The following PHF20L1 variants were observed in gnomAD, a reference collection of about 807,000 sequenced individuals.
PHF20L1 encodes the protein PHD finger protein 20 like 1.
PHF20L1 carries 44 observed loss-of-function variants against 125.5 expected under a neutral mutation model. That is an observed-to-expected ratio of 0.35 (90% CI 0.28 to 0.45). The LOEUF is 0.45. Among genes scored for constraint, PHF20L1 ranks in the 20% least tolerant of loss-of-function variants. PHF20L1 has a pLI of 1.00. For missense variants in PHF20L1, 1,012 were observed against 1,217.2 expected (o/e 0.83, Z 2.51); for synonymous variants, 380 against 403.1 (o/e 0.94, Z 0.69).
rs1834764260 is a variant in PHF20L1, at chr8:132,814,634, C to T, written c.931-3C>T. 6.4e-7 allele frequency: 1 copy of T among 1,553,464 alleles called. No homozygotes were observed. The highest frequency in any genetic ancestry group is 2.3e-5 in the East Asian group (1 of 44,036). ...AAATATCAATTTTTTATTATTTATTCAGGCGATTTCACCTAAACCTCAAAG... is the reference window on the plus strand; with the variant it reads ...AAATATCAATTTTTTATTATTTATTTAGGCGATTTCACCTAAACCTCAAAG... On this transcript the variant is annotated splice_polypyrimidine_tract_variant and splice_region_variant and intron_variant, in intron 9 of 20. Coordinates refer to ENST00000395386, the MANE Select transcript of PHF20L1 (RefSeq NM_016018.5).
At chr8:132,839,644 C>A in intron 18 of PHF20L1, 62 bp downstream of exon 18, 1 of 1,181,908 alleles carries the variant, frequency 8.5e-7, no homozygotes. Context: ...CAAACCAACA[C>A]TGTTGGCCTT....
At chr8:132,808,980 C>G (rs545649775) in intron 8 of PHF20L1, 29 of 151,682 alleles carry the variant, frequency 1.9e-4, no homozygotes, top group Admixed American at 8.5e-4. Flanking sequence ...CAAAGTGTTA[C>G]AAGCATGAGC....
chr8:132,839,830 C>T (rs1038426349), intron 18 of PHF20L1, among the ~76,000 whole-genome samples: 1 of 152,092 alleles, frequency 6.6e-6, no homozygotes, highest in Non-Finnish European at 1.5e-5. Flanking sequence ...CACATTTTAG[C>T]TCCTGTCCCA....
chr8:132,832,980 A>T (rs990732104), intron 15 of PHF20L1, among the ~76,000 whole-genome samples: 1 of 152,236 alleles, frequency 6.6e-6, no homozygotes, highest in East Asian at 1.9e-4. Flanking sequence ...ACTGGAGTTC[A>T]AATCTGTTAG....
intron 2 of PHF20L1, among the ~76,000 whole-genome samples, chr8:132,792,529 T>G (rs1831852274): frequency 6.6e-6 from 1 of 152,186 alleles, no homozygotes; most frequent in Non-Finnish European, 1.5e-5. Flanking sequence ...AAGGCTATAA[T>G]TGGGTCAACT....
At chr8:132,806,598 A>G (rs1346043982) in intron 8 of PHF20L1, 4 of 152,054 alleles carry the variant, frequency 2.6e-5, no homozygotes, top group South Asian at 4.1e-4. Flanking sequence ...TTCTGATTTC[A>G]TGTTGCAACT....
intron 11 of PHF20L1, 44 bp downstream of exon 11, chr8:132,817,120 TAAA>T: frequency 8.0e-7 from 1 of 1,249,752 alleles, no homozygotes; most frequent in Non-Finnish European, 1.1e-6. Context: ...TAAAAGAAGA[TAAA>T]GAAAAAACTA....
intron 14 of PHF20L1, chr8:132,826,699 A>G (rs997330952): frequency 6.6e-6 from 1 of 152,090 alleles, no homozygotes; most frequent in Non-Finnish European, 1.5e-5. Context: ...AATTCAAGAC[A>G]GTGGTTGCCT....
chr8:132,797,861 A>G (rs1434127575), intron 4 of PHF20L1, among the ~76,000 whole-genome samples: 1 of 152,030 alleles, frequency 6.6e-6, no homozygotes, highest in Non-Finnish European at 1.5e-5. Context: ...TTTTATAAAG[A>G]CCAAGTATCT....
chr8:132,822,004 T>C (rs759611417), intron 12 of PHF20L1, among the ~76,000 whole-genome samples: 24 of 151,986 alleles, frequency 1.6e-4, no homozygotes, highest in Admixed American at 1.2e-3. Flanking sequence ...TCTGGAATGG[T>C]CTCTTTTGTT....
chr8:132,781,672 G>C (rs2739044), intron 2 of PHF20L1, among the ~76,000 whole-genome samples: 152,352 of 152,352 alleles, frequency 1, 76,176 homozygotes, highest in Non-Finnish European at 1. Flanking sequence ...ACCTTGTGAT[G>C]TGCCTGCCTC....
At chr8:132,830,392 A>G (rs1225519771) in intron 14 of PHF20L1, among the ~76,000 whole-genome samples, 2 of 152,064 alleles carry the variant, frequency 1.3e-5, no homozygotes, top group African/African-American at 4.8e-5. Flanking sequence ...AGCTTAGCTT[A>G]TTTAAAAGTT....
intron 12 of PHF20L1, among the ~76,000 whole-genome samples, chr8:132,823,738 C>G (rs989090628): frequency 6.6e-6 from 1 of 151,914 alleles, no homozygotes; most frequent in African/African-American, 2.4e-5. Flanking sequence ...ATGATGTCCT[C>G]AAGGCCACAG....
intron 8 of PHF20L1, chr8:132,810,533 G>T (rs530758178): frequency 3.7e-4 from 56 of 152,592 alleles, no homozygotes; most frequent in Non-Finnish European, 7.2e-4. Context: ...TTATAAGAAG[G>T]TAAGGTACAA....
intron 2 of PHF20L1, among the ~76,000 whole-genome samples, chr8:132,784,603 A>G (rs980953407): frequency 2.0e-5 from 3 of 152,184 alleles, no homozygotes; most frequent in African/African-American, 7.2e-5. Flanking sequence ...ACTGCTGGCT[A>G]CTAGAGGAGA....
chr8:132,783,824 A>G (rs1295753196), intron 2 of PHF20L1, among the ~76,000 whole-genome samples: 2 of 152,200 alleles, frequency 1.3e-5, no homozygotes, highest in East Asian at 1.9e-4. Context: ...TGAATTACAT[A>G]CTATGGTCAT....
intron 14 of PHF20L1, among the ~76,000 whole-genome samples, chr8:132,831,999 G>C (rs529843531): frequency 1.3e-5 from 2 of 152,118 alleles, no homozygotes; most frequent in Admixed American, 1.3e-4. Flanking sequence ...AAGTTTACAG[G>C]TACCAGTTAG....
At chr8:132,810,834 GAC>G (rs1834306654) in intron 8 of PHF20L1, 4 of 482,146 alleles carry the variant, frequency 8.3e-6, no homozygotes, top group East Asian at 7.3e-5. Flanking sequence ...TTAAACAACA[GAC>G]ACACAACTGT....
At chr8:132,794,318 TG>T in intron 2 of PHF20L1, 91 bp from the exon 3 acceptor site, 2 of 721,376 alleles carry the variant, frequency 2.8e-6, no homozygotes, top group Non-Finnish European at 4.6e-6. Flanking sequence ...ATGGTTTTAA[TG>T]GTAAGCAACA....
Sources: gnomAD v4.1 joint callset for allele counts (sites outside exome capture counted in the v4.1 genomes callset) on GRCh38, gnomAD v4.1.1 for gene constraint, MANE v1.5 for transcripts, NCBI Gene and HGNC (gene_info 2026-07-23, HGNC 2026-07-21) for gene names.